Variants in XRN1 observed in about 807,000 individuals in gnomAD.
The protein encoded by XRN1 is 5'-3' exoribonuclease 1, also known as strand-exchange protein 1 homolog.
Under a neutral mutation model 222.3 loss-of-function variants are expected in XRN1, and 67 were observed. That is an observed-to-expected ratio of 0.30 (90% confidence interval 0.25 to 0.37). XRN1 has a LOEUF of 0.37. Among genes scored for constraint, XRN1 ranks in the 10% least tolerant of loss-of-function variants. XRN1 has a pLI of 1.00. For synonymous variants in XRN1, 643 were observed against 652.4 expected (o/e 0.99, Z 0.22); for missense variants, 1,707 against 2,000.2 (o/e 0.85, Z 2.80).
At chr3:142,319,829 G>A (rs1196162854) in intron 37 of XRN1, among the ~76,000 whole-genome samples, 1 of 152,004 alleles carries the variant, frequency 6.6e-6, no homozygotes, top group East Asian at 1.9e-4. Context: ...GTTGCTACAA[G>A]ATACGTGATT....
At chr3:142,317,865 G>A (rs1404919934) in intron 39 of XRN1, among the ~76,000 whole-genome samples, 2 of 152,132 alleles carry the variant, frequency 1.3e-5, no homozygotes, top group Non-Finnish European at 2.9e-5. Flanking sequence ...CTGCTAAAAT[G>A]GTTACTTCTG....
At position 142,329,572 on chromosome 3, in the gene XRN1, A is replaced by G. The variant is rs2065631009; in HGVS notation, c.4266T>C (p.Asn1422=). The G allele has an allele frequency of 2.5e-6, 4 of 1,577,848 alleles. No homozygotes were observed. The highest frequency in any genetic ancestry group is 2.4e-5 in the East Asian group (1 of 42,120). Residue 1422 remains asparagine, a synonymous_variant, in exon 37 of 41, where the codon AAT becomes AAC. Coordinates refer to ENST00000392981, the MANE Select transcript of XRN1 (RefSeq NM_001282857.2). The stretch of plus-strand genomic sequence containing the variant: ...AACACATATTGTCCATAGACTGAAC[A>G]TTATGGTACTCATTAGCACTGTGAG... ...NKPHSANEYH[N]VQSMDNMCWP...
rs2065727333 is a variant in XRN1, at chr3:142,332,475, A to G, written c.4122T>C (p.His1374=). 6.2e-7 allele frequency: 1 copy of G among 1,613,580 alleles called. No individual in the cohort carries two copies. The highest frequency in any genetic ancestry group is 2.2e-5 in the East Asian group (1 of 44,792). ...TAGCAATCTGTTTGATTTCATTCTT[A>G]TGGTCCACAGTGTTAGAGCCATCAA... ...LKIDGSNTVD[H]KNEIKQIANE... Residue 1374 remains histidine, a synonymous_variant, in exon 36 of 41, where the codon CAT becomes CAC. Coordinates refer to ENST00000392981, the MANE Select transcript of XRN1 (RefSeq NM_001282857.2).
rs1375103992 is a variant in XRN1, at chr3:142,318,897, T to G, written c.4411A>C (p.Thr1471Pro). The G allele has an allele frequency of 6.2e-7, 1 of 1,612,884 alleles. No homozygotes were observed. The highest frequency in any genetic ancestry group is 1.1e-5 in the South Asian group (1 of 91,032). Residue 1471 changes from threonine to proline, a missense_variant, in exon 38 of 41, where the codon ACC becomes CCC. Transcript: ENST00000392981. ...FSFLRMPQTM[T>P]VCQVKLSNGL... Reference sequence around the variant, plus strand: ...TTAGATAATTTTACTTGGCAAACGGTCATTGTCTAAAAAAAGAGAATATAT... The same window carrying G: ...TTAGATAATTTTACTTGGCAAACGGGCATTGTCTAAAAAAAGAGAATATAT...
chr3:142,318,820 C>T lies in XRN1; in HGVS notation c.4488G>A (p.Glu1496=), dbSNP rs1207612773. 1.2e-6 allele frequency: 2 copies of T among 1,613,854 alleles called. No homozygotes were observed. Among genetic ancestry groups the T allele is most frequent in the Non-Finnish European group, 1.7e-6 (2 of 1,179,918 alleles). Residue 1496 remains glutamate, a synonymous_variant, in exon 38 of 41, where the codon GAG becomes GAA. Transcript: ENST00000392981. ...PQCHSENEAK[E]KAALFALQQL... Reference sequence around the variant, plus strand: ...GTTGTAAAGCAAAAAGTGCAGCTTTCTCTTTGGCTTCATTTTCAGAGTGGC... The same window carrying T: ...GTTGTAAAGCAAAAAGTGCAGCTTTTTCTTTGGCTTCATTTTCAGAGTGGC...
chr3:142,345,033 C>T (rs2107797690), intron 33 of XRN1, among the ~76,000 whole-genome samples: 1 of 152,284 alleles, frequency 6.6e-6, no homozygotes, highest in East Asian at 1.9e-4. Flanking sequence ...GTGTATTTCA[C>T]ATAAGGACGG....
intron 20 of XRN1, among the ~76,000 whole-genome samples, chr3:142,388,224 G>A (rs920563193): frequency 6.6e-6 from 1 of 151,952 alleles, no homozygotes; most frequent in South Asian, 2.1e-4. Flanking sequence ...ACATGAAGAC[G>A]AAGATGAAAA....
chr3:142,415,322 C>T (rs896094878), intron 13 of XRN1, among the ~76,000 whole-genome samples: 14 of 148,456 alleles, frequency 9.4e-5, no homozygotes, highest in African/African-American at 3.7e-4. Flanking sequence ...ATAATTATGG[C>T]GTACATTTCA....
chr3:142,319,945 C>A (rs1031413734), intron 37 of XRN1, among the ~76,000 whole-genome samples: 2 of 151,926 alleles, frequency 1.3e-5, no homozygotes, highest in Non-Finnish European at 2.9e-5. Flanking sequence ...CGCACACATA[C>A]CCACACACAT....
At chr3:142,320,701 C>T (rs77722143) in intron 37 of XRN1, among the ~76,000 whole-genome samples, 10,774 of 152,124 alleles carry the variant, frequency 0.071, 1,281 homozygotes, top group African/African-American at 0.25. Flanking sequence ...ACATTTAAGA[C>T]TCATTTCATG....
chr3:142,442,312 G>A (rs1475319642), intron 1 of XRN1, among the ~76,000 whole-genome samples: 2 of 152,114 alleles, frequency 1.3e-5, no homozygotes, highest in South Asian at 2.1e-4. Context: ...AGAAAGGAAC[G>A]GGAAATAGAA....
chr3:142,357,479 C>T (rs895749072), intron 30 of XRN1, among the ~76,000 whole-genome samples: 7 of 151,864 alleles, frequency 4.6e-5, no homozygotes, highest in Admixed American at 1.3e-4. Flanking sequence ...GGATGGAGTG[C>T]AATGGTGCTA....
chr3:142,379,782 T>G (rs2067248298), intron 23 of XRN1, among the ~76,000 whole-genome samples: 1 of 152,200 alleles, frequency 6.6e-6, no homozygotes, highest in Non-Finnish European at 1.5e-5. Context: ...TTAAAACACC[T>G]AAATCTGTTC....
In XRN1 at chr3:142,355,672, G is replaced by A. The variant is rs1409517255; in HGVS notation, c.3673-176C>T. On this transcript the variant is annotated intron_variant, in intron 31 of 40. Coordinates refer to ENST00000392981, the MANE Select transcript of XRN1 (RefSeq NM_001282857.2). ...GTCTTGCTCATGTCGCCCAAGCTGG[G>A]GAGCTGTGGTGGGGTCATAGGTGAT... Among the ~76,000 whole-genome samples the A allele has an allele frequency of 2.6e-5, 4 of 152,080 alleles. No individual in the cohort carries two copies. In the East Asian group the frequency reaches 7.7e-4, roughly 29 times the overall value.
intron 21 of XRN1, among the ~76,000 whole-genome samples, chr3:142,383,710 G>A (rs1440553763): frequency 6.6e-6 from 1 of 152,084 alleles, no homozygotes; most frequent in Admixed American, 6.5e-5. Context: ...CTTGTCCAAG[G>A]TCATGCAGCT....
At position 142,417,364 on chromosome 3, in the gene XRN1, A is replaced by G. The variant is rs113359494; in HGVS notation, c.1347-135T>C. On this transcript the variant is annotated intron_variant, in intron 12 of 40. Transcript: ENST00000392981. ...ATGAATTAGCTATTTATGGCTAAAA[A>G]TTATAATCCTAAAAACTCCAAAATA... is the stretch of plus-strand genomic sequence containing the variant. 113 of 692,358 alleles carry G rather than the reference A, an allele frequency of 1.6e-4. No individual in the cohort carries two copies. The African/African-American group carries it at 1.7e-3, about 10-fold the overall frequency. 42.9% of individuals were successfully genotyped at this position (692,358 alleles called of 1,614,324 possible). A position where few individuals can be genotyped will look rare whatever the true frequency, so the allele number is the denominator to read the frequency against.
At chr3:142,314,427 T>C (rs1454366202) in intron 39 of XRN1, among the ~76,000 whole-genome samples, 1 of 152,204 alleles carries the variant, frequency 6.6e-6, no homozygotes, top group Non-Finnish European at 1.5e-5. Flanking sequence ...TAGAGAAGTT[T>C]GTGTGCAAAC....
rs759430186 is a variant in XRN1 at position 142,359,927 on chromosome 3, A to C, written c.3399T>G (p.Asn1133Lys). 38 of 1,595,624 alleles carry C rather than the reference A, an allele frequency of 2.4e-5. No homozygotes were observed. The highest frequency in any genetic ancestry group is 3.2e-5 in the Non-Finnish European group (38 of 1,170,900). ...RGTIIGIKGA[N>K]READVLFEVL... is the part of the protein sequence containing the mutation. ...CTTCAAATAGTACATCGGCTTCTCT[A>C]TTAGCTGTTACAATAGGGAGAGAAA... Residue 1133 changes from asparagine (N) to lysine (K), a missense_variant, in exon 30 of 41, where the codon AAT (asparagine) becomes AAG (lysine). By Grantham distance (94) the Asn-to-Lys change is moderately conservative. This residue lies in a region of XRN1 where 1,234 missense variants were observed against 1,518.2 expected (regional missense o/e 0.81). Coordinates refer to ENST00000392981, the MANE Select transcript of XRN1 (RefSeq NM_001282857.2).
intron 39 of XRN1, among the ~76,000 whole-genome samples, chr3:142,315,819 A>G (rs926049506): frequency 6.6e-6 from 1 of 152,142 alleles, no homozygotes; most frequent in Admixed American, 6.6e-5. Context: ...CCGGCCTAAA[A>G]AAGATTTTCA....
Sources: allele counts gnomAD v4.1 joint callset (sites outside exome capture counted in the v4.1 genomes callset), GRCh38; gene constraint gnomAD v4.1.1; regional missense constraint gnomAD v4.1.1; transcripts MANE v1.5; gene names NCBI Gene and HGNC (gene_info 2026-07-23, HGNC 2026-07-21).